IFRD1: variants seen among roughly 807,000 people sequenced by gnomAD.
IFRD1 encodes interferon-related developmental regulator 1.
Under a neutral mutation model 52.9 loss-of-function variants are expected in IFRD1, and 35 were observed. That is an observed-to-expected ratio of 0.66 (90% CI 0.51 to 0.88). IFRD1 has a LOEUF of 0.88. Among genes scored for constraint, IFRD1 ranks in the 40% least tolerant of loss-of-function variants. The pLI, the probability that IFRD1 is intolerant of heterozygous loss-of-function variation, is 0.00. For synonymous variants in IFRD1, 184 were observed against 188.4 expected (o/e 0.98, Z 0.19); for missense variants, 517 against 550.8 (o/e 0.94, Z 0.61).
At chr7:112,442,569 G>T (rs1028616720) in intron 1 of IFRD1, among the ~76,000 whole-genome samples, 2 of 152,204 alleles carry the variant, frequency 1.3e-5, no homozygotes, top group Admixed American at 1.3e-4. Flanking sequence ...ACCGCTTAGG[G>T]GTAGAGAGGA....
At chr7:112,458,434 C>T in intron 4 of IFRD1, 1 of 174,824 alleles carries the variant, frequency 5.7e-6, no homozygotes, top group Non-Finnish European at 1.2e-5. Flanking sequence ...GAAGGTTTAC[C>T]TAATGGACTG....
At chr7:112,427,187 C>G (rs1234753845) in intron 1 of IFRD1, among the ~76,000 whole-genome samples, 1 of 152,258 alleles carries the variant, frequency 6.6e-6, no homozygotes, top group Admixed American at 6.5e-5. Context: ...GTTGAATTCA[C>G]TGTCATAACA....
In IFRD1 at chr7:112,468,021, T is replaced by C. The variant is rs1366826223; in HGVS notation, c.947T>C (p.Leu316Pro). The C allele has an allele frequency of 9.9e-6, 16 of 1,613,916 alleles. No homozygotes were observed. The highest frequency in any genetic ancestry group is 3.3e-5 in the Admixed American group (2 of 60,000). The change falls in exon 9 of 12, where the codon CTT becomes CCT. Residue 316 changes from leucine (L) to proline (P), a missense_variant. Coordinates refer to ENST00000403825, the MANE Select transcript of IFRD1 (RefSeq NM_001550.4). Reference protein sequence around the residue: ...YEDMESLTQMLRALATDGNKH... With the variant: ...YEDMESLTQMPRALATDGNKH... Reference sequence around the variant, plus strand: ...GACATGGAGTCCTTGACGCAGATGCTTAGGGCCTTGGCAACAGATGGAAAT... The same window carrying C: ...GACATGGAGTCCTTGACGCAGATGCCTAGGGCCTTGGCAACAGATGGAAAT...
Position 112,458,758 on chromosome 7 carries a change from T to C in IFRD1, c.410-103T>C, listed in dbSNP as rs1584491260. On this transcript the variant is annotated intron_variant, in intron 4 of 11. Transcript: ENST00000403825. ...AGCCTGGAGCATGGGGTTTCAAAAA[T>C]GGTAAATGCTATTTTGTCATTGATC... 2.4e-5 allele frequency: 26 copies of C among 1,073,400 alleles called. No homozygotes were observed. The East Asian group carries it at 6.4e-4, about 27-fold the overall frequency. The allele number at this position is 1,073,400 out of a possible 1,614,324, so 66.5% of individuals were successfully genotyped here.
chr7:112,433,142 A>T (rs1015438288), intron 1 of IFRD1, among the ~76,000 whole-genome samples: 1 of 152,216 alleles, frequency 6.6e-6, no homozygotes, highest in Non-Finnish European at 1.5e-5. Flanking sequence ...CAATTTATCA[A>T]GACAGGGGAA....
intron 1 of IFRD1, chr7:112,452,155 CTTT>C (rs11299789): frequency 3.2e-4 from 241 of 759,688 alleles, no homozygotes; most frequent in South Asian, 4.3e-4. Context: ...ATTGAGGATA[CTTT>C]TTTTTTTTTT....
intron 4 of IFRD1, 129 bp from the exon 5 acceptor site, chr7:112,458,732 A>C: frequency 2.5e-6 from 2 of 813,610 alleles, no homozygotes; most frequent in South Asian, 3.0e-5. Context: ...ACTTACATCA[A>C]AGCCTGGAGC....
rs1243680323 is a variant in IFRD1, at chr7:112,450,517, G to A, written c.-172G>A. On this transcript the variant is annotated 5_prime_UTR_variant, in exon 1 of 12. Transcript: ENST00000403825. Reference sequence around the variant, plus strand: ...TCGTTTTCGATCACAGCTCTTCACGGGGATTTCTGCTGCCGCCACCGCCCA... The same window carrying A: ...TCGTTTTCGATCACAGCTCTTCACGAGGATTTCTGCTGCCGCCACCGCCCA... The A allele has an allele frequency of 1.5e-6, 1 of 650,534 alleles. No homozygotes were observed. Among genetic ancestry groups the A allele is most frequent in the African/African-American group, 1.8e-5 (1 of 55,346 alleles). The allele number at this position is 650,534 out of a possible 1,614,324, so 40.3% of individuals were successfully genotyped here.
intron 1 of IFRD1, among the ~76,000 whole-genome samples, chr7:112,423,766 C>T (rs1015089489): frequency 6.6e-6 from 1 of 152,188 alleles, no homozygotes; most frequent in African/African-American, 2.4e-5. Context: ...GAGGGTCCCA[C>T]CTACAGGATT....
intron 4 of IFRD1, chr7:112,457,455 T>C: frequency 5.1e-6 from 1 of 198,002 alleles, no homozygotes; most frequent in Non-Finnish European, 1.0e-5. Context: ...AACTTTGTAA[T>C]AGAAATTCTG....
intron 1 of IFRD1, among the ~76,000 whole-genome samples, chr7:112,454,511 C>A (rs1256726291): frequency 5.3e-5 from 8 of 152,148 alleles, no homozygotes; most frequent in African/African-American, 1.9e-4. Flanking sequence ...TACTTTTAAA[C>A]TCTTGCACAT....
At chr7:112,450,001 G>C (rs1047474110), upstream of IFRD1, 1 of 153,428 alleles carries the variant, frequency 6.5e-6, no homozygotes, top group Non-Finnish European at 1.5e-5. Context: ...TAGGGGAAAG[G>C]TTAAGGAGAA....
intron 8 of IFRD1, among the ~76,000 whole-genome samples, chr7:112,466,616 T>C (rs552121407): frequency 6.6e-6 from 1 of 152,306 alleles, no homozygotes; most frequent in South Asian, 2.1e-4. Flanking sequence ...TCATCCCCAG[T>C]TGATAATCAC....
chr7:112,451,599 G>A (rs183623255), intron 1 of IFRD1, among the ~76,000 whole-genome samples: 68 of 152,286 alleles, frequency 4.5e-4, no homozygotes, highest in Admixed American at 1.9e-3. Flanking sequence ...TCGCTACGAA[G>A]TTGAAACTTT....
intron 1 of IFRD1, among the ~76,000 whole-genome samples, chr7:112,442,363 G>A (rs1160595157): frequency 6.6e-6 from 1 of 152,212 alleles, no homozygotes; most frequent in South Asian, 2.1e-4. Flanking sequence ...AATATAAGGA[G>A]TATCTCATCA....
intron 11 of IFRD1, among the ~76,000 whole-genome samples, chr7:112,474,604 A>G (rs141022458): frequency 1.3e-5 from 2 of 152,266 alleles, no homozygotes; most frequent in African/African-American, 2.4e-5. Context: ...CCCCTGCATA[A>G]TGTATTGCCA....
intron 1 of IFRD1, among the ~76,000 whole-genome samples, chr7:112,437,506 T>C (rs1277432490): frequency 6.6e-6 from 1 of 152,082 alleles, no homozygotes; most frequent in Non-Finnish European, 1.5e-5. Flanking sequence ...GAAGTACTAC[T>C]GATTAGTGCT....
chr7:112,437,799 C>T (rs1170694933), intron 1 of IFRD1, among the ~76,000 whole-genome samples: 1 of 151,772 alleles, frequency 6.6e-6, no homozygotes, highest in Admixed American at 6.6e-5. Context: ...TAGCTTAGAG[C>T]TGGGCAAAAC....
chr7:112,449,215 T>G (rs1795093129), upstream of IFRD1, among the ~76,000 whole-genome samples: 1 of 151,988 alleles, frequency 6.6e-6, no homozygotes, highest in African/African-American at 2.4e-5. Context: ...GATCACAGAA[T>G]AGGACAGGAA....
Sources: allele counts gnomAD v4.1 joint callset (sites outside exome capture counted in the v4.1 genomes callset), GRCh38; gene constraint gnomAD v4.1.1; transcripts MANE v1.5; gene names NCBI Gene and HGNC (gene_info 2026-07-23, HGNC 2026-07-21).